PRKG1: variants seen among roughly 807,000 people sequenced by gnomAD.
PRKG1 encodes cGMP-dependent protein kinase 1.
A neutral mutation model predicts 88.1 loss-of-function variants in PRKG1; 35 were observed. The observed-to-expected ratio is 0.40, with a 90% CI of 0.30 to 0.53. The LOEUF is 0.53. Ranked by LOEUF, PRKG1 falls within the 20% of genes least tolerant of loss-of-function variation. The pLI is 0.59. For missense variants in PRKG1, 540 were observed against 839.8 expected, an observed-to-expected ratio of 0.64 and a Z score of 4.41; for synonymous variants, 303 against 292.5, an observed-to-expected ratio of 1.04 and a Z score of -0.37.
At chr10:51,770,660 A>G (rs1308142128) in intron 3 of PRKG1, among the ~76,000 whole-genome samples, 1 of 152,148 alleles carries the variant, frequency 6.6e-6, no homozygotes. Flanking sequence ...CCTATTGTGA[A>G]CTGCGCATGT....
rs780984547 is a variant in PRKG1, at chr10:52,197,632, C to T, written c.1076+35669C>T. 9.2e-5 allele frequency among the ~76,000 whole-genome samples: 14 copies of T among 152,224 alleles called. 1 individual carries two copies. Among genetic ancestry groups the T allele is most frequent in the Middle Eastern group, 3.4e-3 (1 of 294 alleles). Reference sequence around the variant, plus strand: ...TGTTTGAAAACTTTGAGTAAGTCTTCGAATAGCAGCGTGGTCACACTGGGT... The same window carrying T: ...TGTTTGAAAACTTTGAGTAAGTCTTTGAATAGCAGCGTGGTCACACTGGGT... On this transcript the variant is annotated intron_variant, in intron 9 of 17. Transcript: ENST00000373980.
intron 3 of PRKG1, among the ~76,000 whole-genome samples, chr10:51,724,279 T>C (rs1842080517): frequency 6.6e-6 from 1 of 152,228 alleles, no homozygotes. Context: ...CTGCACTAAA[T>C]ATATTTGCTG....
intron 5 of PRKG1, among the ~76,000 whole-genome samples, chr10:52,046,235 A>ATT (rs1222096233): frequency 6.6e-6 from 1 of 152,068 alleles, no homozygotes; most frequent in African/African-American, 2.4e-5. Flanking sequence ...ATTCATTTCT[A>ATT]TTTTATGAGT....
In PRKG1 at chr10:50,991,300, C is replaced by T. The variant is rs949578388; in HGVS notation, c.-79C>T. The T allele has an allele frequency of 1.4e-6, 2 of 1,451,210 alleles. No individual in the cohort carries two copies. Among genetic ancestry groups the T allele is most frequent in the African/African-American group, 1.7e-5 (1 of 59,448 alleles). 89.9% of individuals were successfully genotyped at this position (1,451,210 alleles called of 1,614,324 possible). On this transcript the variant is annotated 5_prime_UTR_variant, in exon 1 of 18. Transcript: ENST00000401604. The surrounding 1 kb of genome is among the most constrained non-coding windows in gnomAD (Gnocchi z 4.5). Reference sequence around the variant, plus strand: ...GCTCACCCGCGCTCTCCGCTGCCGGCTGCCGTCCCAGCCGCCGCCGCCGCC... The same window carrying T: ...GCTCACCCGCGCTCTCCGCTGCCGGTTGCCGTCCCAGCCGCCGCCGCCGCC...
At chr10:52,025,967 G>T (rs1310634324) in intron 5 of PRKG1, among the ~76,000 whole-genome samples, 1 of 151,648 alleles carries the variant, frequency 6.6e-6, no homozygotes, top group Non-Finnish European at 1.5e-5. Flanking sequence ...TACCAAAACA[G>T]ATATATAGAC....
intron 2 of PRKG1, among the ~76,000 whole-genome samples, chr10:51,166,452 AACATGATT>A (rs1224097783): frequency 6.6e-6 from 1 of 152,146 alleles, no homozygotes; most frequent in African/African-American, 2.4e-5. Context: ...TTACAAGAAA[AACATGATT>A]AATAGCGATA....
chr10:52,007,279 C>G (rs1844761399), intron 5 of PRKG1, among the ~76,000 whole-genome samples: 2 of 152,144 alleles, frequency 1.3e-5, no homozygotes, highest in African/African-American at 2.4e-5. Context: ...TGTATCAAAA[C>G]TAACCTTCAG....
rs548317399 is a variant in PRKG1, at chr10:51,680,186, G to A, written c.593-124399G>A. Among the ~76,000 whole-genome samples, 7 of 152,002 alleles carry A rather than the reference G, an allele frequency of 4.6e-5. No individual in the cohort carries two copies. In the South Asian group the frequency reaches 6.2e-4, roughly 14 times the overall value. On this transcript the variant is annotated intron_variant, in intron 3 of 17. Coordinates refer to ENST00000373980, the MANE Select transcript of PRKG1 (RefSeq NM_006258.4). ...TAGCCACGAGCCAAATCCTTCATCC[G>A]GATAAAAGGTAGCTGATAAGAACCT...
chr10:51,026,185 C>T (rs1843202600), intron 1 of PRKG1, among the ~76,000 whole-genome samples: 1 of 152,124 alleles, frequency 6.6e-6, no homozygotes, highest in Admixed American at 6.5e-5. Flanking sequence ...CCTGCCAACA[C>T]CTTGATTTTG....
At chr10:52,275,048 T>G (rs2132438524) in intron 12 of PRKG1, among the ~76,000 whole-genome samples, 1 of 152,242 alleles carries the variant, frequency 6.6e-6, no homozygotes, top group African/African-American at 2.4e-5. Flanking sequence ...TTCTTACTGA[T>G]TTGTTCGAGT....
intron 4 of PRKG1, among the ~76,000 whole-genome samples, chr10:51,906,569 A>G (rs535797505): frequency 1.3e-5 from 2 of 152,272 alleles, no homozygotes; most frequent in South Asian, 4.1e-4. Context: ...TATAAGAGTT[A>G]AGTTATTATC....
chr10:51,565,261 G>A (rs747310927), intron 3 of PRKG1, among the ~76,000 whole-genome samples: 2 of 151,914 alleles, frequency 1.3e-5, no homozygotes, highest in Non-Finnish European at 2.9e-5. Flanking sequence ...CTTGAGTTTT[G>A]TCCTGCAATT....
chr10:52,200,864 A>G (rs1374373581), intron 9 of PRKG1, among the ~76,000 whole-genome samples: 4 of 152,112 alleles, frequency 2.6e-5, no homozygotes, highest in Admixed American at 1.3e-4. Flanking sequence ...TCTTTTGAAA[A>G]GTATCTGGTC....
At chr10:52,282,352 G>T (rs1439485903) in intron 14 of PRKG1, 36 bp downstream of exon 14, 2 of 1,546,532 alleles carry the variant, frequency 1.3e-6, no homozygotes, top group Non-Finnish European at 1.8e-6. Context: ...GATAAAAATA[G>T]ACCAGCATGC....
chr10:52,070,311 G>GTCAAATTTCATTTT (rs6143900), intron 7 of PRKG1, among the ~76,000 whole-genome samples: 26,262 of 151,976 alleles, frequency 0.17, 2,873 homozygotes, highest in South Asian at 0.28. Flanking sequence ...AAATATCTAG[G>GTCAAATTTCATTTT]TCAAATTTCA....
chr10:51,322,009 T>G (rs1427962836), intron 2 of PRKG1, among the ~76,000 whole-genome samples: 1 of 152,206 alleles, frequency 6.6e-6, no homozygotes, highest in Non-Finnish European at 1.5e-5. Context: ...TCATCCAGTG[T>G]ATATTTTGCA....
intron 5 of PRKG1, among the ~76,000 whole-genome samples, chr10:51,932,203 T>C (rs1160297773): frequency 2.0e-5 from 3 of 151,990 alleles, no homozygotes; most frequent in Middle Eastern, 3.4e-3. Flanking sequence ...TGGTGTTTTT[T>C]TTTTTTTAAT....
At position 51,224,942 on chromosome 10, in the gene PRKG1, G is replaced by A. The variant is rs190458294; in HGVS notation, c.478+71612G>A. Among the ~76,000 whole-genome samples, 1,199 of 152,178 alleles carry A rather than the reference G, an allele frequency of 7.9e-3. 64 individuals carry two copies. The highest frequency in any genetic ancestry group is 0.074 in the Admixed American group (1,134 of 15,268). ...TTTAGCCATGCCCCTGCTTCCCATCGCCTACCCCCTGCCCCAACTTCCAAA... is the reference window on the plus strand; with the variant it reads ...TTTAGCCATGCCCCTGCTTCCCATCACCTACCCCCTGCCCCAACTTCCAAA... On this transcript the variant is annotated intron_variant, in intron 2 of 17. Coordinates refer to ENST00000373980, the MANE Select transcript of PRKG1 (RefSeq NM_006258.4).
chr10:51,020,731 T>A (rs576993147), intron 1 of PRKG1, among the ~76,000 whole-genome samples: 6 of 152,162 alleles, frequency 3.9e-5, no homozygotes, highest in Non-Finnish European at 7.3e-5. Flanking sequence ...CTCAGTCCAC[T>A]TTAGTCAGCA....
Sources: gnomAD v4.1 joint callset for allele counts (sites outside exome capture counted in the v4.1 genomes callset) on GRCh38, gnomAD v4.1.1 for gene constraint, Gnocchi (gnomAD v3.1) non-coding constraint, MANE v1.5 for transcripts, NCBI Gene and HGNC (gene_info 2026-07-23, HGNC 2026-07-21) for gene names.